Variants in PUDP observed in about 807,000 individuals in gnomAD.
PUDP encodes the protein pseudouridine 5'-phosphatase.
In PUDP, 8 loss-of-function variants were observed where a neutral mutation model predicts 9.4. That is an observed-to-expected ratio of 0.85 (90% CI 0.50 to 1.53). The LOEUF is 1.53. PUDP is among the 40% of genes most tolerant of loss of function. The pLI is 0.00. For synonymous variants in PUDP, 99 were observed against 80.7 expected, an observed-to-expected ratio of 1.23 and a Z score of -1.22; for missense variants, 188 against 189.7, an observed-to-expected ratio of 0.99 and a Z score of 0.05.
At chrX:6,817,014 CAT>C (rs1175855122) in intron 3 of PUDP, among the ~76,000 whole-genome samples, 3 of 90,404 alleles carry the variant, frequency 3.3e-5, no homozygotes, top group East Asian at 3.4e-4. Flanking sequence ...TATATATACA[CAT>C]ATAGTATATA....
At chrX:6,871,120 G>A (rs749170916) in intron 3 of PUDP, among the ~76,000 whole-genome samples, 20 of 112,118 alleles carry the variant, frequency 1.8e-4, no homozygotes, top group African/African-American at 2.3e-4. Context: ...TAAAGCCACC[G>A]CAGTGGACTA....
At chrX:6,978,351 A>AAG (rs5901332) in intron 1 of PUDP, among the ~76,000 whole-genome samples, 22 of 109,174 alleles carry the variant, frequency 2.0e-4, no homozygotes, top group African/African-American at 6.3e-4. Flanking sequence ...TTTCTAAAAA[A>AAG]AGAGAGAGAG....
intron 2 of PUDP, among the ~76,000 whole-genome samples, chrX:7,096,930 C>A (rs754167615): frequency 1.8e-4 from 20 of 110,738 alleles, no homozygotes; most frequent in Non-Finnish European, 3.4e-4. Flanking sequence ...CCTCTAGTGA[C>A]AAATTTCATG....
chrX:6,967,579 A>T (rs751723492), intron 3 of PUDP, among the ~76,000 whole-genome samples: 3 of 111,120 alleles, frequency 2.7e-5, no homozygotes, highest in South Asian at 7.6e-4. Flanking sequence ...CTAACTCCTC[A>T]CTACCCCATG....
chrX:6,815,188 G>A (rs5989500), intron 3 of PUDP, among the ~76,000 whole-genome samples: 34,299 of 101,164 alleles, frequency 0.34, 5,080 homozygotes, highest in East Asian at 0.73. Flanking sequence ...AAAAAAAAAA[G>A]AAAGAAACCC....
chrX:6,893,815 A>G (rs73627097), intron 3 of PUDP, among the ~76,000 whole-genome samples: 99 of 111,979 alleles, frequency 8.8e-4, no homozygotes, highest in African/African-American at 3.1e-3. Context: ...TCATTGCAAC[A>G]CTATTCACAA....
chrX:6,715,500 AC>A (rs1468506011), intron 1 of PUDP, among the ~76,000 whole-genome samples: 1 of 112,440 alleles, frequency 8.9e-6, no homozygotes, highest in East Asian at 2.8e-4. Flanking sequence ...GGCTAATGAT[AC>A]ATGCCGGTAT....
At chrX:7,103,410 T>C (rs1460230235) in intron 2 of PUDP, among the ~76,000 whole-genome samples, 10 of 112,215 alleles carry the variant, frequency 8.9e-5, no homozygotes, top group African/African-American at 3.2e-4. Flanking sequence ...ATTAACTCAA[T>C]ATGGATTAAA....
chrX:6,738,308 C>T lies in PUDP; in HGVS notation c.*248-31842G>A, dbSNP rs1314205806. Among the ~76,000 whole-genome samples the T allele has an allele frequency of 4.5e-5, 5 of 111,464 alleles. No individual in the cohort carries two copies. The South Asian group carries it at 1.9e-3, about 43-fold the overall frequency. On this transcript the variant is annotated intron_variant and NMD_transcript_variant, in intron 3 of 3. Transcript: ENST00000655425. ...AACAATGTAATGGAATCTGTTGGTG[C>T]CATGCGTGTCGATTTCTGAGAAGTG...
At chrX:6,868,587 T>C (rs752927772) in intron 3 of PUDP, among the ~76,000 whole-genome samples, 1 of 112,602 alleles carries the variant, frequency 8.9e-6, no homozygotes, top group Non-Finnish European at 1.9e-5. Context: ...TATTCTAAAG[T>C]CCACTTTGTG....
At chrX:6,800,191 C>CT (rs1210533540) in intron 3 of PUDP, among the ~76,000 whole-genome samples, 1 of 112,132 alleles carries the variant, frequency 8.9e-6, no homozygotes, top group African/African-American at 3.2e-5. Flanking sequence ...ACATTTTCCT[C>CT]TTTCAGATTC....
At chrX:7,140,129 C>A (rs1339505801) in intron 1 of PUDP, among the ~76,000 whole-genome samples, 1 of 112,203 alleles carries the variant, frequency 8.9e-6, no homozygotes, top group Non-Finnish European at 1.9e-5. Flanking sequence ...AGTAGAAATG[C>A]ATGTGTTAGG....
chrX:6,851,343 G>T (rs1264613734), intron 3 of PUDP, among the ~76,000 whole-genome samples: 1 of 111,843 alleles, frequency 8.9e-6, no homozygotes, highest in Non-Finnish European at 1.9e-5. Flanking sequence ...CTTCTGTTCA[G>T]AATCTCATTA....
At chrX:6,802,139 C>G (rs1442620429) in intron 3 of PUDP, among the ~76,000 whole-genome samples, 1 of 111,871 alleles carries the variant, frequency 8.9e-6, no homozygotes, top group Non-Finnish European at 1.9e-5. Context: ...CTTAATTTTA[C>G]AAAGCTCGAT....
intron 3 of PUDP, among the ~76,000 whole-genome samples, chrX:6,790,680 C>T (rs746762955): frequency 8.9e-6 from 1 of 112,613 alleles, no homozygotes; most frequent in Non-Finnish European, 1.9e-5. Context: ...TTATCTGACA[C>T]TCCTTCAAAT....
intron 3 of PUDP, among the ~76,000 whole-genome samples, chrX:6,753,907 T>G (rs1442162728): frequency 8.9e-6 from 1 of 111,991 alleles, no homozygotes; most frequent in East Asian, 2.8e-4. Context: ...TGTGAAGATT[T>G]TTTTCCCACT....
intron 1 of PUDP, among the ~76,000 whole-genome samples, chrX:7,111,701 C>T (rs1453109033): frequency 8.9e-6 from 1 of 111,809 alleles, no homozygotes; most frequent in East Asian, 2.8e-4. Context: ...TATAAGCCTG[C>T]TGGACCTTGG....
chrX:6,962,738 A>G (rs995312157), intron 3 of PUDP, among the ~76,000 whole-genome samples: 8 of 112,474 alleles, frequency 7.1e-5, no homozygotes, highest in African/African-American at 2.6e-4. Context: ...TTCTTTGTAA[A>G]TTCTCTAAAA....
intron 3 of PUDP, among the ~76,000 whole-genome samples, chrX:6,765,651 T>C (rs1602610752): frequency 9.0e-6 from 1 of 111,717 alleles, no homozygotes; most frequent in African/African-American, 3.3e-5. Flanking sequence ...TAGTGAGAAA[T>C]GACTGAGATG....
Sources: allele counts gnomAD v4.1 joint callset (sites outside exome capture counted in the v4.1 genomes callset), GRCh38; gene constraint gnomAD v4.1.1; transcripts MANE v1.5; gene names NCBI Gene and HGNC (gene_info 2026-07-23, HGNC 2026-07-21).